Variants in SLC4A10 observed in about 807,000 individuals in gnomAD.
The protein encoded by SLC4A10 is solute carrier family 4 member 10.
In SLC4A10, 42 loss-of-function variants were observed where a neutral mutation model predicts 137.7. The observed-to-expected ratio is 0.30, with a 90% CI of 0.24 to 0.39. SLC4A10 has a LOEUF of 0.39. Ranked by LOEUF, SLC4A10 falls within the 10% of genes least tolerant of loss-of-function variation. SLC4A10 has a pLI of 1.00. For synonymous variants in SLC4A10, 474 were observed against 464.1 expected, an observed-to-expected ratio of 1.02 and a Z score of -0.27; for missense variants, 925 against 1,355.0, an observed-to-expected ratio of 0.68 and a Z score of 4.98.
chr2:161,961,230 C>T (rs1388516992), intron 21 of SLC4A10, among the ~76,000 whole-genome samples: 1 of 152,152 alleles, frequency 6.6e-6, no homozygotes, highest in Non-Finnish European at 1.5e-5. Context: ...CAGCTTCTGA[C>T]TTTGGGAGAA....
At chr2:161,868,964 T>C (rs1319415402) in intron 6 of SLC4A10, among the ~76,000 whole-genome samples, 1 of 151,640 alleles carries the variant, frequency 6.6e-6, no homozygotes, top group Admixed American at 6.6e-5. Flanking sequence ...ATATGGGTAG[T>C]GATCAGTGGA....
intron 2 of SLC4A10, among the ~76,000 whole-genome samples, chr2:161,793,279 T>G (rs2054404453): frequency 6.6e-6 from 1 of 152,178 alleles, no homozygotes; most frequent in Non-Finnish European, 1.5e-5. Flanking sequence ...TTACCTCACA[T>G]AGTTATTATT....
chr2:161,702,135 A>G (rs898617502), intron 1 of SLC4A10, among the ~76,000 whole-genome samples: 3 of 151,974 alleles, frequency 2.0e-5, no homozygotes, highest in African/African-American at 4.8e-5. Flanking sequence ...AACAGCCAGG[A>G]TATGGAATCA....
chr2:161,738,018 G>T (rs1241274801), intron 1 of SLC4A10, among the ~76,000 whole-genome samples: 2 of 152,078 alleles, frequency 1.3e-5, no homozygotes, highest in African/African-American at 4.8e-5. Context: ...TTAGTTTTCA[G>T]GTTTATTCTG....
Position 161,753,887 on chromosome 2 carries a change from T to TTTAC in SLC4A10, c.49-17083_49-17082insCTTA, listed in dbSNP as rs1553525416. ...ATTTATTTATTTATTTATTTATTTA[T>TTTAC]TTATTTATTTATTTATTTTTGGGAC... is the stretch of plus-strand genomic sequence containing the variant. On this transcript the variant is annotated intron_variant, in intron 1 of 26. Transcript: ENST00000446997. Among the ~76,000 whole-genome samples, 319 of 149,894 alleles carry TTTAC rather than the reference T, an allele frequency of 2.1e-3. 4 individuals are homozygous for TTTAC. The highest frequency in any genetic ancestry group is 4.8e-3 in the South Asian group (23 of 4,768).
intron 2 of SLC4A10, among the ~76,000 whole-genome samples, chr2:161,795,483 T>C (rs1053110201): frequency 6.6e-6 from 1 of 152,242 alleles, no homozygotes; most frequent in African/African-American, 2.4e-5. Context: ...ATTACTAGCA[T>C]CAAAGCCACA....
chr2:161,748,822 A>G (rs1387652767), intron 1 of SLC4A10, among the ~76,000 whole-genome samples: 1 of 152,004 alleles, frequency 6.6e-6, no homozygotes, highest in East Asian at 1.9e-4. Context: ...GAAAAATGCC[A>G]CTGGAATTTT....
intron 11 of SLC4A10, among the ~76,000 whole-genome samples, chr2:161,896,501 TG>T (rs931744862): frequency 6.6e-6 from 1 of 152,136 alleles, no homozygotes; most frequent in Non-Finnish European, 1.5e-5. Flanking sequence ...TAAATTACCT[TG>T]GGCAGTATGG....
In SLC4A10 at chr2:161,804,035, G is replaced by A. The variant is rs548922467; in HGVS notation, c.131-414G>A. Among the ~76,000 whole-genome samples the A allele has an allele frequency of 9.9e-5, 15 of 152,176 alleles. No individual in the cohort carries two copies. In the South Asian group the frequency reaches 1.7e-3, roughly 17 times the overall value. On this transcript the variant is annotated intron_variant, in intron 2 of 26. Transcript: ENST00000446997. ...ATTTGGCATTAACATAGACCTTAGCGAAACCTGTTTTATTAGAGACAGTGA... is the reference window on the plus strand; with the variant it reads ...ATTTGGCATTAACATAGACCTTAGCAAAACCTGTTTTATTAGAGACAGTGA...
At chr2:161,870,190 A>G (rs1449485867) in intron 6 of SLC4A10, among the ~76,000 whole-genome samples, 1 of 151,388 alleles carries the variant, frequency 6.6e-6, no homozygotes, top group Non-Finnish European at 1.5e-5. Flanking sequence ...ATTTACAAGG[A>G]GAAATACAAG....
chr2:161,878,701 T>C (rs1181595651), intron 8 of SLC4A10, among the ~76,000 whole-genome samples: 1 of 152,178 alleles, frequency 6.6e-6, no homozygotes. Flanking sequence ...AACAGGATTA[T>C]ATTTCTTTTG....
chr2:161,679,686 C>CGTGT (rs67726464), intron 1 of SLC4A10, among the ~76,000 whole-genome samples: 9,919 of 136,586 alleles, frequency 0.073, 651 homozygotes, highest in African/African-American at 0.17. Flanking sequence ...TGTAGGTCAA[C>CGTGT]GTGTGTGTGT....
At chr2:161,904,944 TC>T in intron 14 of SLC4A10, 35 bp downstream of exon 14, 1 of 1,607,762 alleles carries the variant, frequency 6.2e-7, no homozygotes, top group East Asian at 2.2e-5. Context: ...CTTAGCCTCT[TC>T]CTTTTTTCTT....
intron 8 of SLC4A10, among the ~76,000 whole-genome samples, chr2:161,875,688 A>G (rs187740824): frequency 1.8e-4 from 28 of 152,342 alleles, no homozygotes; most frequent in African/African-American, 5.3e-4. Context: ...GGCTTCACAT[A>G]ATTTTCTACA....
Position 161,636,000 on chromosome 2 carries a change from C to G in SLC4A10, c.48+11434C>G, listed in dbSNP as rs573804428. On this transcript the variant is annotated intron_variant, in intron 1 of 26. Coordinates refer to ENST00000446997, the MANE Select transcript of SLC4A10 (RefSeq NM_001178015.2). ...CACCATTCTTCCACTCAGGCTTCAT[C>G]ATAAATTTGATGTTTGTTCTTGGTT... 1.9e-4 allele frequency among the ~76,000 whole-genome samples: 29 copies of G among 152,250 alleles called. 1 individual carries two copies. The highest frequency in any genetic ancestry group is 6.8e-3 in the Middle Eastern group (2 of 294).
At chr2:161,649,414 T>A (rs1244363802) in intron 1 of SLC4A10, among the ~76,000 whole-genome samples, 1 of 152,204 alleles carries the variant, frequency 6.6e-6, no homozygotes, top group Non-Finnish European at 1.5e-5. Context: ...GTGACTATTT[T>A]AAAAATTGGA....
At chr2:161,803,163 T>C (rs546521376) in intron 2 of SLC4A10, among the ~76,000 whole-genome samples, 2 of 152,268 alleles carry the variant, frequency 1.3e-5, no homozygotes, top group South Asian at 4.1e-4. Context: ...TGCTTCCTCA[T>C]AAATTTTTCT....
chr2:161,691,261 A>G (rs190842948), intron 1 of SLC4A10, among the ~76,000 whole-genome samples: 29 of 139,424 alleles, frequency 2.1e-4, no homozygotes, highest in African/African-American at 7.5e-4. Context: ...ATAAAATTTA[A>G]TATTGCCTTG....
chr2:161,696,338 G>A (rs2042499488), intron 1 of SLC4A10, among the ~76,000 whole-genome samples: 1 of 149,488 alleles, frequency 6.7e-6, no homozygotes, highest in Non-Finnish European at 1.5e-5. Context: ...AAGTTTTAGG[G>A]TACATGTGCA....
Sources: gnomAD v4.1 joint callset for allele counts (sites outside exome capture counted in the v4.1 genomes callset) on GRCh38, gnomAD v4.1.1 for gene constraint, MANE v1.5 for transcripts, NCBI Gene and HGNC (gene_info 2026-07-23, HGNC 2026-07-21) for gene names.